The following CNKSR2 variants were observed in gnomAD, a reference collection of about 807,000 sequenced individuals.
The protein encoded by CNKSR2 is connector enhancer of kinase suppressor of Ras 2.
CNKSR2 carries 14 observed loss-of-function variants against 84.4 expected under a neutral mutation model. The observed-to-expected ratio is 0.17, with a 90% CI of 0.11 to 0.26. The LOEUF (loss-of-function observed/expected upper bound fraction) is 0.26. Ranked by LOEUF, CNKSR2 falls within the 10% of genes least tolerant of loss-of-function variation. CNKSR2 has a pLI of 1.00. For synonymous variants in CNKSR2, 275 were observed against 277.9 expected, an observed-to-expected ratio of 0.99 and a Z score of 0.10; for missense variants, 485 against 771.2, an observed-to-expected ratio of 0.63 and a Z score of 4.40.
At chrX:21,580,532 ATAAAGT>A (rs899173960) in intron 13 of CNKSR2, among the ~76,000 whole-genome samples, 42 of 112,246 alleles carry the variant, frequency 3.7e-4, no homozygotes, top group East Asian at 3.3e-3. Flanking sequence ...CAACCTAAAA[ATAAAGT>A]TAAAGTAATC....
At position 21,550,394 on chromosome X, in the gene CNKSR2, G is replaced by A. The variant is rs1040386871; in HGVS notation, c.1304-11077G>A. The stretch of plus-strand genomic sequence containing the variant: ...ACCATCTCATGCCAGTTAGAATGGC[G>A]ATCATTAAAAAGTCAGGAAACAACA... On this transcript the variant is annotated intron_variant, in intron 11 of 21. Transcript: ENST00000379510. Among the ~76,000 whole-genome samples the A allele has an allele frequency of 6.3e-5, 7 of 111,778 alleles. No homozygotes were observed. The South Asian group carries it at 2.7e-3, about 42-fold the overall frequency.
chrX:21,420,524 G>A (rs903191567), intron 1 of CNKSR2, among the ~76,000 whole-genome samples: 2 of 111,802 alleles, frequency 1.8e-5, no homozygotes, highest in African/African-American at 6.5e-5. Flanking sequence ...CTCACCTGAA[G>A]CCAACAAGTC....
chrX:21,376,152 C>T (rs1331035836), intron 1 of CNKSR2, among the ~76,000 whole-genome samples: 4 of 112,608 alleles, frequency 3.6e-5, no homozygotes, highest in African/African-American at 1.3e-4. Context: ...GCTTACTTAA[C>T]AGTCAGACTT....
At chrX:21,449,900 T>C (rs1238569551) in intron 4 of CNKSR2, among the ~76,000 whole-genome samples, 5 of 112,425 alleles carry the variant, frequency 4.4e-5, no homozygotes, top group Non-Finnish European at 9.4e-5. Flanking sequence ...AGTTTACTTT[T>C]CCCTTTAAAA....
chrX:21,408,242 C>T (rs1463189189), intron 1 of CNKSR2, among the ~76,000 whole-genome samples: 1 of 111,949 alleles, frequency 8.9e-6, no homozygotes, highest in Non-Finnish European at 1.9e-5. Flanking sequence ...ATATATAGTG[C>T]AGGAAATTCC....
At chrX:21,609,874 C>G (rs2092541191) in intron 20 of CNKSR2, among the ~76,000 whole-genome samples, 1 of 111,420 alleles carries the variant, frequency 9.0e-6, no homozygotes, top group South Asian at 3.8e-4. Flanking sequence ...AGCCATTTGC[C>G]TTTTAAGGTT....
At chrX:21,547,070 A>G (rs896655903) in intron 11 of CNKSR2, among the ~76,000 whole-genome samples, 1 of 111,984 alleles carries the variant, frequency 8.9e-6, no homozygotes, top group Non-Finnish European at 1.9e-5. Context: ...TCAAATTCTC[A>G]CATAACAATA....
At chrX:21,607,542 G>C (rs1017926836) in intron 19 of CNKSR2, among the ~76,000 whole-genome samples, 11 of 111,500 alleles carry the variant, frequency 9.9e-5, no homozygotes, top group African/African-American at 3.6e-4. Context: ...GGTAGCTCAC[G>C]CGTCTAATCC....
chrX:21,405,255 C>G (rs1160133616), intron 1 of CNKSR2, among the ~76,000 whole-genome samples: 2 of 111,540 alleles, frequency 1.8e-5, no homozygotes, highest in Admixed American at 9.5e-5. Flanking sequence ...AAATTAATAT[C>G]CATATACTAT....
intron 11 of CNKSR2, among the ~76,000 whole-genome samples, chrX:21,552,106 A>G (rs1388686766): frequency 9.0e-6 from 1 of 110,565 alleles, no homozygotes; most frequent in Non-Finnish European, 1.9e-5. Context: ...TGAGAAAAAA[A>G]AAAAAAACTA....
intron 1 of CNKSR2, among the ~76,000 whole-genome samples, chrX:21,393,749 A>C (rs753650073): frequency 1.8e-5 from 2 of 112,496 alleles, no homozygotes; most frequent in Non-Finnish European, 3.8e-5. Context: ...AAGTTAATTA[A>C]AAGTAATCAT....
chrX:21,497,908 T>C (rs978971032), intron 7 of CNKSR2, 62 bp downstream of exon 7: 6 of 552,828 alleles, frequency 1.1e-5, no homozygotes, highest in African/African-American at 4.5e-5. Flanking sequence ...TAACAACTTA[T>C]ATATCTCACA....
chrX:21,424,249 T>G (rs2090536647), intron 1 of CNKSR2: 1 of 111,865 alleles, frequency 8.9e-6, no homozygotes, highest in Non-Finnish European at 1.9e-5. Context: ...CTTTCTCATT[T>G]CCCAGTCACT....
intron 1 of CNKSR2, among the ~76,000 whole-genome samples, chrX:21,382,102 C>A (rs776207499): frequency 9.0e-6 from 1 of 111,546 alleles, no homozygotes; most frequent in East Asian, 2.8e-4. Context: ...TCACAGATTA[C>A]TGGTCTGTCA....
intron 1 of CNKSR2, among the ~76,000 whole-genome samples, chrX:21,395,687 T>G (rs1274525195): frequency 9.0e-6 from 1 of 111,703 alleles, no homozygotes; most frequent in Non-Finnish European, 1.9e-5. Context: ...CTGTAAGATT[T>G]GGTGATTATA....
intron 13 of CNKSR2, among the ~76,000 whole-genome samples, chrX:21,582,764 G>T (rs377724432): frequency 3.2e-4 from 36 of 111,731 alleles, no homozygotes; most frequent in African/African-American, 1.1e-3. Flanking sequence ...TTGAGCTAAG[G>T]ATGGCAGTTC....
rs375244848 is a variant in CNKSR2, at chrX:21,479,459, TA to T, written c.561+8653del. ...GTGAGATAGCTGGATCAATGCTATATATTTTTTTAAAGTGCAATTATAGTCA... is the reference window on the plus strand; with the variant it reads ...GTGAGATAGCTGGATCAATGCTATATTTTTTTTAAAGTGCAATTATAGTCA... On this transcript the variant is annotated intron_variant, in intron 5 of 21. Coordinates refer to ENST00000379510, the MANE Select transcript of CNKSR2 (RefSeq NM_014927.5). 4.4e-3 allele frequency among the ~76,000 whole-genome samples: 496 copies of T among 111,961 alleles called. 5 individuals carry two copies. The highest frequency in any genetic ancestry group is 0.014 in the African/African-American group (438 of 30,808).
At chrX:21,527,595 C>CT (rs1192546090) in intron 10 of CNKSR2, among the ~76,000 whole-genome samples, 1 of 110,798 alleles carries the variant, frequency 9.0e-6, no homozygotes, top group Non-Finnish European at 1.9e-5. Context: ...GGCTGTATCT[C>CT]TATTTCATTT....
intron 19 of CNKSR2, 126 bp from the exon 20 acceptor site, chrX:21,608,945 A>T (rs1196037173): frequency 1.0e-6 from 1 of 990,181 alleles, no homozygotes; most frequent in African/African-American, 2.0e-5. Flanking sequence ...AAACTTGCCT[A>T]GTCATTAACA....
Sources: gnomAD v4.1 joint callset for allele counts (sites outside exome capture counted in the v4.1 genomes callset) on GRCh38, gnomAD v4.1.1 for gene constraint, MANE v1.5 for transcripts, NCBI Gene and HGNC (gene_info 2026-07-23, HGNC 2026-07-21) for gene names.